Variants in CNTN5 observed in about 807,000 individuals in gnomAD.
CNTN5 encodes contactin 5, also known as contactin-5.
A neutral mutation model predicts 129.1 loss-of-function variants in CNTN5; 77 were observed. That is an observed-to-expected ratio of 0.60 (90% CI 0.50 to 0.72). The LOEUF is 0.72. Among genes scored for constraint, CNTN5 ranks in the 30% least tolerant of loss-of-function variants. The pLI, the probability that CNTN5 is intolerant of heterozygous loss-of-function variation, is 0.00. For missense variants in CNTN5, 1,478 were observed against 1,328.8 expected (o/e 1.11, Z -1.75); for synonymous variants, 509 against 465.6 (o/e 1.09, Z -1.20).
rs1945083448 is a variant in CNTN5 at position 99,775,251 on chromosome 11, C to G, written c.56-44293C>G. On this transcript the variant is annotated intron_variant, in intron 3 of 24. Transcript: ENST00000524871. The stretch of plus-strand genomic sequence containing the variant: ...CCAATGACATTGGGAAGTAAAATAT[C>G]TTGCTTTTTTAATACGGTCATTTTC... Among the ~76,000 whole-genome samples, 6 of 152,030 alleles carry G rather than the reference C, an allele frequency of 3.9e-5. No homozygotes were observed. In the South Asian group the frequency reaches 1.2e-3, roughly 32 times the overall value.
At chr11:99,944,121 A>C (rs558700032) in intron 7 of CNTN5, among the ~76,000 whole-genome samples, 2 of 151,820 alleles carry the variant, frequency 1.3e-5, no homozygotes, top group Non-Finnish European at 2.9e-5. Context: ...TCTATGAATT[A>C]CTTCAGGCAG....
intron 10 of CNTN5, among the ~76,000 whole-genome samples, chr11:100,062,919 C>T (rs984801990): frequency 6.6e-6 from 1 of 152,104 alleles, no homozygotes. Flanking sequence ...TGTTAAAATA[C>T]ACGTTCATTT....
intron 21 of CNTN5, among the ~76,000 whole-genome samples, chr11:100,315,186 T>C (rs1397111739): frequency 1.3e-5 from 2 of 152,186 alleles, no homozygotes; most frequent in East Asian, 3.9e-4. Flanking sequence ...AGTCAGAGGC[T>C]TCCCCTGGTA....
At chr11:99,318,895 C>T (rs957623727) in intron 1 of CNTN5, among the ~76,000 whole-genome samples, 1 of 152,148 alleles carries the variant, frequency 6.6e-6, no homozygotes, top group Admixed American at 6.6e-5. Flanking sequence ...TTTAAATATC[C>T]TTGAAAAGAC....
chr11:99,842,361 A>G (rs369589796), intron 4 of CNTN5, among the ~76,000 whole-genome samples: 1 of 152,254 alleles, frequency 6.6e-6, no homozygotes, highest in African/African-American at 2.4e-5. Flanking sequence ...AGTAAATATT[A>G]GTTATTAATC....
At chr11:99,042,130 T>C (rs1257916921) in intron 1 of CNTN5, among the ~76,000 whole-genome samples, 3 of 152,186 alleles carry the variant, frequency 2.0e-5, no homozygotes, top group South Asian at 2.1e-4. Context: ...ATATAATTAT[T>C]TGAACACATA....
At chr11:100,318,918 C>T (rs1287190866) in intron 21 of CNTN5, among the ~76,000 whole-genome samples, 3 of 152,142 alleles carry the variant, frequency 2.0e-5, no homozygotes, top group African/African-American at 4.8e-5. Flanking sequence ...ACTTTATTTT[C>T]CAAAGGGCAA....
chr11:99,513,063 A>G (rs1202548141), intron 2 of CNTN5, among the ~76,000 whole-genome samples: 1 of 152,190 alleles, frequency 6.6e-6, no homozygotes, highest in Non-Finnish European at 1.5e-5. Context: ...AGGAATTTAA[A>G]GTGCTACTCC....
intron 7 of CNTN5, among the ~76,000 whole-genome samples, chr11:99,955,469 T>G (rs1950777247): frequency 6.6e-6 from 1 of 152,180 alleles, no homozygotes; most frequent in South Asian, 2.1e-4. Flanking sequence ...TGTTAAAATA[T>G]TTGAAAGTTT....
At chr11:99,282,453 A>C (rs1863743469) in intron 1 of CNTN5, among the ~76,000 whole-genome samples, 1 of 152,012 alleles carries the variant, frequency 6.6e-6, no homozygotes, top group Non-Finnish European at 1.5e-5. Flanking sequence ...CTAGGTATGG[A>C]TTGATATTCC....
intron 3 of CNTN5, among the ~76,000 whole-genome samples, chr11:99,814,853 A>G (rs1006459990): frequency 1.3e-5 from 2 of 152,102 alleles, no homozygotes; most frequent in African/African-American, 4.8e-5. Flanking sequence ...GATTTAATTG[A>G]CTCACAGCTC....
In CNTN5 at chr11:100,062,840, A is replaced by G. The variant is rs1195465485; in HGVS notation, c.1162+1447A>G. Reference sequence around the variant, plus strand: ...TAACTGTTCATAATTCATAAAACAAATCATTAAGACAACGCTCTCTAGCCA... The same window carrying G: ...TAACTGTTCATAATTCATAAAACAAGTCATTAAGACAACGCTCTCTAGCCA... On this transcript the variant is annotated intron_variant, in intron 10 of 24. Coordinates refer to ENST00000524871, the MANE Select transcript of CNTN5 (RefSeq NM_014361.4). Among the ~76,000 whole-genome samples the G allele has an allele frequency of 2.0e-5, 3 of 152,356 alleles. No homozygotes were observed. The East Asian group carries it at 5.8e-4, about 29-fold the overall frequency.
intron 3 of CNTN5, among the ~76,000 whole-genome samples, chr11:99,745,986 T>C (rs1326127692): frequency 3.3e-5 from 5 of 152,190 alleles, no homozygotes; most frequent in Admixed American, 3.3e-4. Context: ...TTCAGGGAAG[T>C]ATTACCAAAA....
At position 100,280,505 on chromosome 11, in the gene CNTN5, C is replaced by T. The variant is rs191608528; in HGVS notation, c.2314+9264C>T. Among the ~76,000 whole-genome samples, 8 of 152,032 alleles carry T rather than the reference C, an allele frequency of 5.3e-5. No homozygotes were observed. The East Asian group carries it at 1.4e-3, about 26-fold the overall frequency. On this transcript the variant is annotated intron_variant, in intron 18 of 24. Coordinates refer to ENST00000524871, the MANE Select transcript of CNTN5 (RefSeq NM_014361.4). ...TCTCATATGAATATAGCTACTACTGCTCTTTTGTGATTTCCACTGGCATGA... is the reference window on the plus strand; with the variant it reads ...TCTCATATGAATATAGCTACTACTGTTCTTTTGTGATTTCCACTGGCATGA...
chr11:99,405,454 ATTCT>A (rs1341394469), intron 2 of CNTN5, among the ~76,000 whole-genome samples: 7 of 151,866 alleles, frequency 4.6e-5, no homozygotes, highest in Non-Finnish European at 7.4e-5. Context: ...AAGCTCACTA[ATTCT>A]TTCTTCTGCT....
At chr11:99,913,525 A>C (rs189096033) in intron 6 of CNTN5, among the ~76,000 whole-genome samples, 1 of 152,214 alleles carries the variant, frequency 6.6e-6, no homozygotes, top group East Asian at 1.9e-4. Context: ...CCAGGAAATA[A>C]TGACACAGAG....
intron 2 of CNTN5, among the ~76,000 whole-genome samples, chr11:99,516,726 C>G (rs1049780856): frequency 6.6e-6 from 1 of 152,048 alleles, no homozygotes; most frequent in South Asian, 2.1e-4. Flanking sequence ...TACCTCAATC[C>G]TAATCCTGAA....
intron 13 of CNTN5, among the ~76,000 whole-genome samples, chr11:100,152,379 CT>C (rs1947094352): frequency 6.6e-6 from 1 of 152,128 alleles, no homozygotes; most frequent in Admixed American, 6.6e-5. Flanking sequence ...CCCTGACTCC[CT>C]GTTCCAAGCA....
chr11:99,403,803 T>C (rs1198929498), intron 2 of CNTN5, among the ~76,000 whole-genome samples: 1 of 152,214 alleles, frequency 6.6e-6, no homozygotes, highest in Non-Finnish European at 1.5e-5. Context: ...ATGATCCATG[T>C]GCTGAGGAGA....
Sources: gnomAD v4.1 joint callset for allele counts (sites outside exome capture counted in the v4.1 genomes callset) on GRCh38, gnomAD v4.1.1 for gene constraint, MANE v1.5 for transcripts, NCBI Gene and HGNC (gene_info 2026-07-23, HGNC 2026-07-21) for gene names.